The following PRKG1 variants were observed in gnomAD, a reference collection of about 807,000 sequenced individuals.
PRKG1 encodes the protein protein kinase cGMP-dependent 1.
A neutral mutation model predicts 88.1 loss-of-function variants in PRKG1; 35 were observed. That is an observed-to-expected ratio of 0.40 (90% CI 0.30 to 0.53). The LOEUF (loss-of-function observed/expected upper bound fraction) is 0.53, where lower values mean the gene tolerates loss of function less well. Ranked by LOEUF, PRKG1 falls within the 20% of genes least tolerant of loss-of-function variation. PRKG1 has a pLI of 0.59. For synonymous variants in PRKG1, 303 were observed against 292.5 expected (o/e 1.04, Z -0.37); for missense variants, 540 against 839.8 (o/e 0.64, Z 4.41).
intron 10 of PRKG1, among the ~76,000 whole-genome samples, chr10:52,253,670 C>A (rs1480069444): frequency 1.3e-5 from 2 of 151,468 alleles, no homozygotes; most frequent in Non-Finnish European, 2.9e-5. Context: ...AGAGAAATAC[C>A]AGATAGCCTA....
intron 3 of PRKG1, among the ~76,000 whole-genome samples, chr10:51,760,871 G>A (rs141555853): frequency 6.6e-5 from 10 of 152,088 alleles, no homozygotes; most frequent in Admixed American, 4.6e-4. Flanking sequence ...TCTTAGCACC[G>A]CGGGAGGCTG....
chr10:51,816,369 G>A (rs958300348), intron 4 of PRKG1, among the ~76,000 whole-genome samples: 2 of 151,854 alleles, frequency 1.3e-5, no homozygotes, highest in African/African-American at 2.4e-5. Flanking sequence ...TAATGTCAGA[G>A]GAAGAATAAT....
chr10:51,219,534 C>A (rs983711383), intron 2 of PRKG1, among the ~76,000 whole-genome samples: 6 of 151,652 alleles, frequency 4.0e-5, no homozygotes, highest in Non-Finnish European at 8.8e-5. Context: ...ATAGTGAAAC[C>A]CCGTCTCTAC....
rs149263055 is a variant in PRKG1, at chr10:51,068,837, T to C, written c.266+77193T>C. On this transcript the variant is annotated intron_variant, in intron 1 of 17. Transcript: ENST00000401604. The stretch of plus-strand genomic sequence containing the variant: ...ATCATACAGGTATGTTGCATGCTCA[T>C]GTACATATTCATTACGCTTCAAATG... Among the ~76,000 whole-genome samples, 818 of 152,186 alleles carry C rather than the reference T, an allele frequency of 5.4e-3. 7 individuals are homozygous for C. Among genetic ancestry groups the C allele is most frequent in the Middle Eastern group, 0.041 (12 of 294 alleles).
intron 3 of PRKG1, among the ~76,000 whole-genome samples, chr10:51,751,600 A>T (rs1042549849): frequency 6.6e-6 from 1 of 152,194 alleles, no homozygotes; most frequent in Admixed American, 6.5e-5. Context: ...TGCATGGAAC[A>T]TACTCTATAC....
chr10:51,687,673 G>A (rs969775142), intron 3 of PRKG1, among the ~76,000 whole-genome samples: 1 of 152,130 alleles, frequency 6.6e-6, no homozygotes, highest in Non-Finnish European at 1.5e-5. Flanking sequence ...ATTTTTTGAC[G>A]AATGGTGGTG....
chr10:52,170,293 C>T (rs1838629412), intron 9 of PRKG1, among the ~76,000 whole-genome samples: 1 of 152,202 alleles, frequency 6.6e-6, no homozygotes, highest in East Asian at 1.9e-4. Context: ...CTGCTCTCCT[C>T]ATCATGCACC....
chr10:51,786,973 G>T (rs533316376), intron 3 of PRKG1, among the ~76,000 whole-genome samples: 3 of 152,042 alleles, frequency 2.0e-5, no homozygotes, highest in Non-Finnish European at 4.4e-5. Flanking sequence ...CCAGGTTTAC[G>T]ATTTAGAAAA....
intron 7 of PRKG1, among the ~76,000 whole-genome samples, chr10:52,110,189 A>G (rs1227287215): frequency 6.6e-6 from 1 of 151,846 alleles, no homozygotes; most frequent in Non-Finnish European, 1.5e-5. Flanking sequence ...TCTACTAAAA[A>G]TACAAAAAAT....
rs1376111589 is a variant in PRKG1 at position 51,627,173 on chromosome 10, G to A, written c.592+159337G>A. Among the ~76,000 whole-genome samples the A allele has an allele frequency of 2.0e-5, 3 of 152,232 alleles. No individual in the cohort carries two copies. In the East Asian group the frequency reaches 5.8e-4, roughly 29 times the overall value. On this transcript the variant is annotated intron_variant, in intron 3 of 17. Transcript: ENST00000373980. Reference sequence around the variant, plus strand: ...CCTTGAAGAAATAAATCAGTTGGAGGAGAGAGAGAAGGAAACAGAAAGAAA... The same window carrying A: ...CCTTGAAGAAATAAATCAGTTGGAGAAGAGAGAGAAGGAAACAGAAAGAAA...
At chr10:51,894,521 C>G (rs1051784315) in intron 4 of PRKG1, among the ~76,000 whole-genome samples, 4 of 152,094 alleles carry the variant, frequency 2.6e-5, no homozygotes, top group Non-Finnish European at 5.9e-5. Flanking sequence ...TAGCTGTATA[C>G]TTAAAAATGG....
At chr10:51,413,441 C>T (rs1838156070) in intron 2 of PRKG1, among the ~76,000 whole-genome samples, 3 of 152,076 alleles carry the variant, frequency 2.0e-5, no homozygotes, top group African/African-American at 7.2e-5. Context: ...TCACTGCAAC[C>T]TCTGCTTCCC....
chr10:52,276,857 A>T (rs1841884925), intron 12 of PRKG1, among the ~76,000 whole-genome samples: 1 of 152,188 alleles, frequency 6.6e-6, no homozygotes, highest in Admixed American at 6.5e-5. Context: ...TGTCTATTTT[A>T]AAATCCACAA....
intron 1 of PRKG1, among the ~76,000 whole-genome samples, chr10:51,024,639 A>T (rs1313284782): frequency 6.6e-6 from 1 of 152,170 alleles, no homozygotes; most frequent in Non-Finnish European, 1.5e-5. Flanking sequence ...TATAAAGAAA[A>T]GAGATTTAAT....
chr10:51,747,534 TGATTGTGTA>T (rs972640826), intron 3 of PRKG1, among the ~76,000 whole-genome samples: 1 of 152,170 alleles, frequency 6.6e-6, no homozygotes, highest in African/African-American at 2.4e-5. Context: ...TCCAAGGTTT[TGATTGTGTA>T]GGTCTTCTAA....
intron 3 of PRKG1, among the ~76,000 whole-genome samples, chr10:51,475,862 A>G (rs1359602989): frequency 6.6e-6 from 1 of 152,018 alleles, no homozygotes; most frequent in Non-Finnish European, 1.5e-5. Context: ...CAAAGAAAAA[A>G]TTTCGTTTGA....
intron 3 of PRKG1, among the ~76,000 whole-genome samples, chr10:51,590,839 C>G (rs948635571): frequency 1.3e-5 from 2 of 152,054 alleles, no homozygotes; most frequent in Non-Finnish European, 2.9e-5. Context: ...GTATTGCAAC[C>G]TCAATAAAAC....
At chr10:51,125,086 G>A (rs1845363005) in intron 1 of PRKG1, among the ~76,000 whole-genome samples, 1 of 152,180 alleles carries the variant, frequency 6.6e-6, no homozygotes, top group Admixed American at 6.5e-5. Context: ...GGAAGGCCAA[G>A]GCAGGTGGAT....
At chr10:52,191,641 G>T (rs1023265552) in intron 9 of PRKG1, among the ~76,000 whole-genome samples, 6 of 152,170 alleles carry the variant, frequency 3.9e-5, no homozygotes, top group Admixed American at 2.0e-4. Context: ...TTCGTAGGAG[G>T]TTTATTAAAC....
Sources: gnomAD v4.1 joint callset for allele counts (sites outside exome capture counted in the v4.1 genomes callset) on GRCh38, gnomAD v4.1.1 for gene constraint, MANE v1.5 for transcripts, NCBI Gene and HGNC (gene_info 2026-07-23, HGNC 2026-07-21) for gene names.